The following PAX3 variants were observed in gnomAD, a reference collection of about 807,000 sequenced individuals.
PAX3 encodes the protein paired box 3, also known as paired box protein Pax-3.
In PAX3, 14 loss-of-function variants were observed where a neutral mutation model predicts 51.6. The observed-to-expected ratio is 0.27, with a 90% confidence interval of 0.18 to 0.42. The LOEUF (loss-of-function observed/expected upper bound fraction) is 0.42, where lower values mean the gene tolerates loss of function less well. PAX3 is among the 10% of genes least tolerant of loss of function. PAX3 has a pLI of 1.00. For missense variants in PAX3, 540 were observed against 642.8 expected, an observed-to-expected ratio of 0.84 and a Z score of 1.73; for synonymous variants, 280 against 253.4, an observed-to-expected ratio of 1.11 and a Z score of -1.00.
chr2:222,261,847 T>C (rs994364890), intron 4 of PAX3, among the ~76,000 whole-genome samples: 3 of 152,248 alleles, frequency 2.0e-5, no homozygotes, highest in Admixed American at 6.5e-5. Flanking sequence ...AAATGTTTCA[T>C]GTTTGCCTTC....
intron 7 of PAX3, among the ~76,000 whole-genome samples, chr2:222,204,205 G>C (rs1691417931): frequency 6.6e-6 from 1 of 152,166 alleles, no homozygotes; most frequent in Non-Finnish European, 1.5e-5. Context: ...CAATAGGATT[G>C]ACAATTCCAG....
intron 4 of PAX3, among the ~76,000 whole-genome samples, chr2:222,234,629 C>T (rs1003110055): frequency 1.3e-5 from 2 of 152,096 alleles, no homozygotes; most frequent in African/African-American, 4.8e-5. Context: ...AGGTGGGCTC[C>T]AAGAGTTTGC....
At chr2:222,289,899 T>C (rs1208618450) in intron 4 of PAX3, among the ~76,000 whole-genome samples, 1 of 152,240 alleles carries the variant, frequency 6.6e-6, no homozygotes, top group Non-Finnish European at 1.5e-5. Flanking sequence ...GTTTTCTCTA[T>C]AGAATCGAAA....
intron 4 of PAX3, among the ~76,000 whole-genome samples, chr2:222,268,205 A>G (rs1694119643): frequency 6.6e-6 from 1 of 152,186 alleles, no homozygotes; most frequent in African/African-American, 2.4e-5. Context: ...ATGTTTTGCA[A>G]TTACAAACAC....
chr2:222,245,954 C>T (rs1574683843), intron 4 of PAX3, among the ~76,000 whole-genome samples: 1 of 151,970 alleles, frequency 6.6e-6, no homozygotes, highest in East Asian at 1.9e-4. Flanking sequence ...GCATTCCAGC[C>T]TGGGTGACAG....
At chr2:222,228,320 G>A (rs920426266) in intron 5 of PAX3, among the ~76,000 whole-genome samples, 2 of 152,196 alleles carry the variant, frequency 1.3e-5, no homozygotes, top group South Asian at 4.1e-4. Context: ...GTTAATGAAG[G>A]CCCTGCTTCG....
At chr2:222,215,328 G>T (rs1691909314) in intron 7 of PAX3, among the ~76,000 whole-genome samples, 1 of 152,120 alleles carries the variant, frequency 6.6e-6, no homozygotes, top group Non-Finnish European at 1.5e-5. Context: ...AGAATCATTT[G>T]CAATGGTTGA....
intron 5 of PAX3, among the ~76,000 whole-genome samples, chr2:222,227,013 G>T (rs142197412): frequency 6.6e-6 from 1 of 151,968 alleles, no homozygotes; most frequent in African/African-American, 2.4e-5. Flanking sequence ...TCCTGGTGGG[G>T]CATGAACCCC....
At chr2:222,224,320 T>G (rs1402999959) in intron 5 of PAX3, among the ~76,000 whole-genome samples, 2 of 152,216 alleles carry the variant, frequency 1.3e-5, no homozygotes, top group African/African-American at 2.4e-5. Context: ...AAATGTTGTT[T>G]AAATTTAGGC....
intron 4 of PAX3, among the ~76,000 whole-genome samples, chr2:222,279,799 G>A (rs1032129435): frequency 2.6e-5 from 4 of 152,146 alleles, no homozygotes; most frequent in African/African-American, 9.7e-5. Context: ...ATAAAATTAT[G>A]AAAGTTAGCC....
At chr2:222,201,817 CAAA>C (rs368725878) in intron 8 of PAX3, 124 bp downstream of exon 8, 39 of 1,448,468 alleles carry the variant, frequency 2.7e-5, no homozygotes, top group South Asian at 7.6e-5. Context: ...GCTGGCTTTG[CAAA>C]AAAAAAAAAA....
intron 4 of PAX3, among the ~76,000 whole-genome samples, chr2:222,277,363 C>G (rs950612964): frequency 6.6e-6 from 1 of 152,142 alleles, no homozygotes. Flanking sequence ...AGAAACAAAC[C>G]TCAAAGGTGA....
intron 4 of PAX3, among the ~76,000 whole-genome samples, chr2:222,271,084 C>A (rs1432227714): frequency 4.6e-5 from 7 of 152,194 alleles, no homozygotes; most frequent in Non-Finnish European, 1.0e-4. Flanking sequence ...ACTAACACAA[C>A]AATCCTTTGA....
Position 222,244,734 on chromosome 2 carries a change from CAA to C in PAX3, c.587-12453_587-12452del, listed in dbSNP as rs35127003. 5.4e-3 allele frequency among the ~76,000 whole-genome samples: 597 copies of C among 109,642 alleles called. 6 individuals are homozygous for C. Among genetic ancestry groups the C allele is most frequent in the African/African-American group, 0.01 (304 of 30,030 alleles). The allele number at this position is 109,642 out of a possible 152,430, so 71.9% of individuals were successfully genotyped here. A position where few individuals can be genotyped will look rare whatever the true frequency, so the allele number is the denominator to read the frequency against. On this transcript the variant is annotated intron_variant, in intron 4 of 8. Transcript: ENST00000392070. Reference sequence around the variant, plus strand: ...CATAGTCAGACAGTATATTGTTCACCAAAAAAAAAAAAAAAAAAAGATATTCA... The same window carrying C: ...CATAGTCAGACAGTATATTGTTCACCAAAAAAAAAAAAAAAAAGATATTCA...
chr2:222,223,456 A>T, intron 5 of PAX3, among the ~76,000 whole-genome samples: 1 of 152,170 alleles, frequency 6.6e-6, no homozygotes, highest in East Asian at 1.9e-4. Flanking sequence ...CCCCGGTCTG[A>T]GTGCCTGTTA....
chr2:222,287,349 G>A lies in PAX3; in HGVS notation c.586+6818C>T, dbSNP rs567942498. ...TTATAATACCTATTGCTGCTTTGGT[G>A]TTTATCTTCCAGAAAGATGACAATA... is the stretch of plus-strand genomic sequence containing the variant. On this transcript the variant is annotated intron_variant, in intron 4 of 8. Coordinates refer to ENST00000392070, the MANE Select transcript of PAX3 (RefSeq NM_181458.4). 2.8e-4 allele frequency: 43 copies of A among 152,346 alleles called. 1 individual carries two copies. The highest frequency in any genetic ancestry group is 9.1e-4 in the African/African-American group (38 of 41,568). The allele number at this position is 152,346 out of a possible 1,614,324, so 9.4% of individuals were successfully genotyped here. A position where few individuals can be genotyped will look rare whatever the true frequency, so the allele number is the denominator to read the frequency against.
At chr2:222,248,392 G>A (rs1417182085) in intron 4 of PAX3, among the ~76,000 whole-genome samples, 1 of 152,176 alleles carries the variant, frequency 6.6e-6, no homozygotes, top group African/African-American at 2.4e-5. Flanking sequence ...TTCACACAAT[G>A]CCACATGCAG....
chr2:222,221,580 G>A, intron 5 of PAX3, 193 bp from the exon 6 acceptor site: 1 of 574,226 alleles, frequency 1.7e-6, no homozygotes, highest in Non-Finnish European at 3.1e-6. Flanking sequence ...GGTCAGTAGA[G>A]GGGCTTCAGG....
At chr2:222,296,273 A>G (rs951511703) in intron 2 of PAX3, among the ~76,000 whole-genome samples, 9 of 152,258 alleles carry the variant, frequency 5.9e-5, no homozygotes, top group Admixed American at 2.6e-4. Flanking sequence ...GTGGGAAGGA[A>G]GAGGAGGGTG....
Sources: allele counts gnomAD v4.1 joint callset (sites outside exome capture counted in the v4.1 genomes callset), GRCh38; gene constraint gnomAD v4.1.1; transcripts MANE v1.5; gene names NCBI Gene and HGNC (gene_info 2026-07-23, HGNC 2026-07-21).